The following CNTN5 variants were observed in gnomAD, a reference collection of about 807,000 sequenced individuals.
CNTN5 encodes the protein contactin 5.
A neutral mutation model predicts 129.1 loss-of-function variants in CNTN5; 77 were observed. The ratio of observed to expected loss-of-function variants is 0.60; its 90% CI spans 0.50 to 0.72. The LOEUF (loss-of-function observed/expected upper bound fraction) is 0.72, where lower values mean the gene tolerates loss of function less well. CNTN5 is among the 30% of genes least tolerant of loss of function. CNTN5 has a pLI of 0.00. For missense variants in CNTN5, 1,478 were observed against 1,328.8 expected (o/e 1.11, Z -1.75); for synonymous variants, 509 against 465.6 (o/e 1.09, Z -1.20).
At chr11:99,632,456 C>T (rs1478818313) in intron 3 of CNTN5, among the ~76,000 whole-genome samples, 1 of 152,000 alleles carries the variant, frequency 6.6e-6, no homozygotes, top group Non-Finnish European at 1.5e-5. Context: ...TTGAATGACT[C>T]CAAAGGCCCA....
chr11:99,741,854 A>T (rs1324601171), intron 3 of CNTN5, among the ~76,000 whole-genome samples: 1 of 152,082 alleles, frequency 6.6e-6, no homozygotes, highest in Non-Finnish European at 1.5e-5. Context: ...GTTATACATT[A>T]TTATATAGAC....
At chr11:99,551,004 T>C (rs11220416) in intron 2 of CNTN5, among the ~76,000 whole-genome samples, 9,836 of 152,254 alleles carry the variant, frequency 0.065, 369 homozygotes, top group Non-Finnish European at 0.077. Flanking sequence ...TTAAAAATGC[T>C]ATAATGTACG....
chr11:100,275,135 G>A (rs1027318704), intron 18 of CNTN5, among the ~76,000 whole-genome samples: 1 of 151,016 alleles, frequency 6.6e-6, no homozygotes, highest in Non-Finnish European at 1.5e-5. Flanking sequence ...TGTTGGAAAA[G>A]GTTCATCCAC....
At position 99,899,138 on chromosome 11, in the gene CNTN5, G is replaced by A. The variant is rs1275682538; in HGVS notation, c.578-16916G>A. Reference sequence around the variant, plus strand: ...AGGAATCTTCTAGAAGAGTCTTTAGGGTTTTCTAGGTAAACAATCATATCT... The same window carrying A: ...AGGAATCTTCTAGAAGAGTCTTTAGAGTTTTCTAGGTAAACAATCATATCT... On this transcript the variant is annotated intron_variant, in intron 6 of 24. Coordinates refer to ENST00000524871, the MANE Select transcript of CNTN5 (RefSeq NM_014361.4). 3.3e-5 allele frequency among the ~76,000 whole-genome samples: 5 copies of A among 151,866 alleles called. No individual in the cohort carries two copies. In the South Asian group the frequency reaches 1.0e-3, roughly 31 times the overall value.
chr11:99,454,327 A>G (rs780582785), intron 2 of CNTN5, among the ~76,000 whole-genome samples: 15 of 152,210 alleles, frequency 9.9e-5, no homozygotes, highest in Non-Finnish European at 8.8e-5. Flanking sequence ...TGTAATCCGT[A>G]TAATTCCCGT....
chr11:99,721,707 T>C, intron 3 of CNTN5, among the ~76,000 whole-genome samples: 1 of 152,058 alleles, frequency 6.6e-6, no homozygotes, highest in African/African-American at 2.4e-5. Flanking sequence ...ACCTACAGAA[T>C]GGGAGGAAAT....
At chr11:99,339,286 T>G (rs1866400495) in intron 2 of CNTN5, among the ~76,000 whole-genome samples, 1 of 152,156 alleles carries the variant, frequency 6.6e-6, no homozygotes, top group Non-Finnish European at 1.5e-5. Context: ...GCAAAATATT[T>G]TTAAGTGATG....
At chr11:99,595,067 G>A (rs1021335572) in intron 3 of CNTN5, among the ~76,000 whole-genome samples, 1 of 152,184 alleles carries the variant, frequency 6.6e-6, no homozygotes, top group African/African-American at 2.4e-5. Context: ...AGGTAGTGGG[G>A]AGATGGGGGG....
chr11:100,150,433 T>A (rs1325692823), intron 13 of CNTN5, among the ~76,000 whole-genome samples: 1 of 152,128 alleles, frequency 6.6e-6, no homozygotes, highest in Non-Finnish European at 1.5e-5. Flanking sequence ...TATGGCCATA[T>A]GTTCAATTTT....
At chr11:99,796,061 ATGG>A (rs1945926500) in intron 3 of CNTN5, among the ~76,000 whole-genome samples, 1 of 152,060 alleles carries the variant, frequency 6.6e-6, no homozygotes, top group Non-Finnish European at 1.5e-5. Context: ...TGTAGCAGTG[ATGG>A]TGGCAATGCA....
intron 1 of CNTN5, among the ~76,000 whole-genome samples, chr11:99,174,097 C>T (rs897830686): frequency 1.3e-5 from 2 of 152,136 alleles, no homozygotes; most frequent in Admixed American, 1.3e-4. Context: ...CTCCCAGGTT[C>T]AAATGATCTT....
chr11:99,100,040 T>C (rs1866648093), intron 1 of CNTN5, among the ~76,000 whole-genome samples: 1 of 152,132 alleles, frequency 6.6e-6, no homozygotes, highest in African/African-American at 2.4e-5. Flanking sequence ...ATACTTTTTA[T>C]GGCAAAGTAT....
At chr11:100,309,140 A>G (rs1951416414) in intron 21 of CNTN5, 1 of 985,060 alleles carries the variant, frequency 1.0e-6, no homozygotes, top group Non-Finnish European at 1.2e-6. Flanking sequence ...CCAGTCATGG[A>G]GAGGAATTAG....
At chr11:100,165,901 A>C (rs1565306166) in intron 13 of CNTN5, among the ~76,000 whole-genome samples, 1 of 151,808 alleles carries the variant, frequency 6.6e-6, no homozygotes, top group African/African-American at 2.4e-5. Context: ...ACTTGCCTGC[A>C]TCATAAGCTA....
chr11:99,421,131 T>C (rs1332080626), intron 2 of CNTN5, among the ~76,000 whole-genome samples: 1 of 151,230 alleles, frequency 6.6e-6, no homozygotes, highest in Admixed American at 6.6e-5. Context: ...GTATTATTCA[T>C]TGAGGTTTTT....
At chr11:99,465,558 A>G (rs189289363) in intron 2 of CNTN5, among the ~76,000 whole-genome samples, 78 of 152,056 alleles carry the variant, frequency 5.1e-4, no homozygotes, top group African/African-American at 1.7e-3. Flanking sequence ...GTTCAGTGCT[A>G]CACACCAGCT....
chr11:100,205,377 TTAA>T (rs893587324), intron 15 of CNTN5, among the ~76,000 whole-genome samples: 2 of 152,068 alleles, frequency 1.3e-5, no homozygotes, highest in African/African-American at 4.8e-5. Context: ...GAGTCTAGAA[TTAA>T]TAATAGGTAG....
intron 18 of CNTN5, among the ~76,000 whole-genome samples, chr11:100,287,298 A>G (rs1378795749): frequency 6.6e-6 from 1 of 151,822 alleles, no homozygotes; most frequent in Non-Finnish European, 1.5e-5. Context: ...TCCAAGACAC[A>G]TAATTGTCAG....
intron 3 of CNTN5, among the ~76,000 whole-genome samples, chr11:99,658,888 C>CAAAA (rs10673721): frequency 1.7e-5 from 2 of 119,190 alleles, no homozygotes; most frequent in South Asian, 6.1e-4. Flanking sequence ...AACTCTGTCT[C>CAAAA]AAAAAAAAAA....
Sources: allele counts gnomAD v4.1 joint callset (sites outside exome capture counted in the v4.1 genomes callset), GRCh38; gene constraint gnomAD v4.1.1; transcripts MANE v1.5; gene names NCBI Gene and HGNC (gene_info 2026-07-23, HGNC 2026-07-21).